Variants in TSPAN15 observed in about 807,000 individuals in gnomAD.
TSPAN15 encodes the protein tetraspanin-15.
TSPAN15 carries 20 observed loss-of-function variants against 34.5 expected under a neutral mutation model. That is an observed-to-expected ratio of 0.58 (90% CI 0.41 to 0.84). The LOEUF (loss-of-function observed/expected upper bound fraction) is 0.84, where lower values mean the gene tolerates loss of function less well. TSPAN15 is among the 40% of genes least tolerant of loss of function. The probability of loss-of-function intolerance (pLI) is 0.00; values close to 1 mark genes in which losing one functional copy is unlikely to be tolerated. For missense variants in TSPAN15, 313 were observed against 386.1 expected, an observed-to-expected ratio of 0.81 and a Z score of 1.59; for synonymous variants, 155 against 153.9, an observed-to-expected ratio of 1.01 and a Z score of -0.05.
At chr10:69,542,690 A>T in the TSPAN15 span, among the ~76,000 whole-genome samples, 2 of 152,164 alleles carry the variant, frequency 1.3e-5, no homozygotes, top group Non-Finnish European at 2.9e-5. Flanking sequence ...CCCCTCATAA[A>T]ACCATCAGAT....
At chr10:69,459,919 C>T (rs1473635223) in intron 1 of TSPAN15, among the ~76,000 whole-genome samples, 2 of 70,072 alleles carry the variant, frequency 2.9e-5, no homozygotes, top group African/African-American at 1.3e-4. Flanking sequence ...AGACTCTAGG[C>T]ACCCCCCCCC....
intron 6 of TSPAN15, 122 bp downstream of exon 6, chr10:69,504,607 TGACC>T: frequency 2.9e-6 from 3 of 1,035,130 alleles, no homozygotes; most frequent in Non-Finnish European, 3.0e-6. Flanking sequence ...TTCCTGGCTG[TGACC>T]CAGAGCCAGG....
intron 1 of TSPAN15, among the ~76,000 whole-genome samples, chr10:69,476,556 C>G (rs568918211): frequency 3.6e-4 from 44 of 123,120 alleles, no homozygotes; most frequent in African/African-American, 1.4e-3. Flanking sequence ...GACCCTGTCT[C>G]AAAGGGTCTC....
intron 1 of TSPAN15, among the ~76,000 whole-genome samples, chr10:69,480,198 G>A (rs947264612): frequency 4.6e-5 from 7 of 152,158 alleles, no homozygotes; most frequent in Non-Finnish European, 1.0e-4. Flanking sequence ...CAGCTCTGGT[G>A]TTTGGGGGAT....
the TSPAN15 span, among the ~76,000 whole-genome samples, chr10:69,524,588 T>C: frequency 2.1e-4 from 31 of 146,328 alleles, 2 homozygotes; most frequent in Non-Finnish European, 4.2e-4. Flanking sequence ...TATGCAGCAG[T>C]TAAGTAAGCA....
At position 69,471,551 on chromosome 10, in the gene TSPAN15, T is replaced by TTCTTTCTTTCTCTCTC. The variant is rs1554832144; in HGVS notation, c.97-12137_97-12136insTTCTTTCTCTCTCTCT. Among the ~76,000 whole-genome samples the TTCTTTCTTTCTCTCTC allele has an allele frequency of 7.6e-4, 115 of 151,194 alleles. 1 individual carries two copies. The highest frequency in any genetic ancestry group is 2.7e-3 in the African/African-American group (111 of 40,626). ...TATAAATCAATCTTTCTTTCTTTCT[T>TTCTTTCTTTCTCTCTC]TCTCTCTCACTCTCCCCTTCTCCCC... On this transcript the variant is annotated intron_variant, in intron 1 of 7. Transcript: ENST00000373290.
chr10:69,507,187 A>G lies in TSPAN15; in HGVS notation c.*209A>G, dbSNP rs2133171317. The G allele has an allele frequency of 1.4e-6, 2 of 1,419,540 alleles. No homozygotes were observed. The highest frequency in any genetic ancestry group is 2.6e-4 in the Middle Eastern group (1 of 3,828). The allele number at this position is 1,419,540 out of a possible 1,614,324, so 87.9% of individuals were successfully genotyped here. A position where few individuals can be genotyped will look rare whatever the true frequency, so the allele number is the denominator to read the frequency against. ...TCCCCTAAGAGGCTTTCCCCGAGGC[A>G]GCTCTGGAATCTGTGCCCACCTGGG... On this transcript the variant is annotated 3_prime_UTR_variant, in exon 8 of 8. Transcript: ENST00000373290.
At position 69,455,569 on chromosome 10, in the gene TSPAN15, T is replaced by C. The variant is rs1228262617; in HGVS notation, c.96+3879T>C. ...TTCTTCTCTCTCTCTCTTTCTTTCT[T>C]TCTCTTTTCTTTCTTTCTTTCTCTT... On this transcript the variant is annotated intron_variant, in intron 1 of 7. Transcript: ENST00000373290. 3.9e-3 allele frequency among the ~76,000 whole-genome samples: 459 copies of C among 118,024 alleles called. 4 individuals carry two copies. Among genetic ancestry groups the C allele is most frequent in the Non-Finnish European group, 5.3e-3 (300 of 56,274 alleles). The allele number at this position is 118,024 out of a possible 152,430, so 77.4% of individuals were successfully genotyped here.
chr10:69,540,863 G>A, the TSPAN15 span, among the ~76,000 whole-genome samples: 1 of 152,260 alleles, frequency 6.6e-6, no homozygotes, highest in Non-Finnish European at 1.5e-5. Flanking sequence ...GAGGTCAATG[G>A]GGATGTGTCC....
chr10:69,546,551 C>T, the TSPAN15 span, among the ~76,000 whole-genome samples: 10 of 152,286 alleles, frequency 6.6e-5, no homozygotes, highest in African/African-American at 2.2e-4. Flanking sequence ...TTCTGTCCTA[C>T]GCATCCAAGG....
At chr10:69,521,952 A>C in the TSPAN15 span, among the ~76,000 whole-genome samples, 1 of 147,726 alleles carries the variant, frequency 6.8e-6, no homozygotes, top group Non-Finnish European at 1.5e-5. Flanking sequence ...ACAACAGCCA[A>C]CCTAATGGGT....
chr10:69,520,301 G>A, the TSPAN15 span, among the ~76,000 whole-genome samples: 2 of 152,166 alleles, frequency 1.3e-5, no homozygotes, highest in Non-Finnish European at 2.9e-5. Flanking sequence ...ATTTCACTTA[G>A]CATAGTGATT....
intron 3 of TSPAN15, chr10:69,495,364 G>T: frequency 1.9e-6 from 1 of 519,276 alleles, no homozygotes. Context: ...ACTCCTGCTG[G>T]GACATAGCAC....
chr10:69,504,519 T>C (rs1468159218), intron 6 of TSPAN15, 34 bp downstream of exon 6: 19 of 1,611,950 alleles, frequency 1.2e-5, no homozygotes, highest in Non-Finnish European at 1.5e-5. Flanking sequence ...CCTGGAAATG[T>C]TGCTCTTCCT....
the TSPAN15 span, among the ~76,000 whole-genome samples, chr10:69,523,865 C>T: frequency 1.4e-4 from 21 of 147,702 alleles, 2 homozygotes; most frequent in Non-Finnish European, 2.7e-4. Context: ...TTCCTCTTTG[C>T]CAGGATTGGA....
At chr10:69,511,856 C>T (rs1306443207), downstream of TSPAN15, among the ~76,000 whole-genome samples, 1 of 151,390 alleles carries the variant, frequency 6.6e-6, no homozygotes, top group Non-Finnish European at 1.5e-5. Flanking sequence ...AACCAAACAC[C>T]GCATGTTCTC....
At chr10:69,535,561 A>C in the TSPAN15 span, among the ~76,000 whole-genome samples, 1 of 152,234 alleles carries the variant, frequency 6.6e-6, no homozygotes, top group Non-Finnish European at 1.5e-5. Flanking sequence ...CCATGGAGTA[A>C]CCAAATAATA....
the TSPAN15 span, among the ~76,000 whole-genome samples, chr10:69,546,264 C>T: frequency 3.3e-5 from 5 of 152,186 alleles, no homozygotes; most frequent in East Asian, 1.9e-4. Context: ...AGAGAGCCTG[C>T]GTAGTCTCTA....
chr10:69,503,216 C>T (rs1446335689), intron 5 of TSPAN15, among the ~76,000 whole-genome samples: 1 of 152,096 alleles, frequency 6.6e-6, no homozygotes, highest in Non-Finnish European at 1.5e-5. Context: ...CGAGGGAGGT[C>T]GTCTTGCCTG....
Sources: allele counts gnomAD v4.1 joint callset (sites outside exome capture counted in the v4.1 genomes callset), GRCh38; gene constraint gnomAD v4.1.1; transcripts MANE v1.5; gene names NCBI Gene and HGNC (gene_info 2026-07-23, HGNC 2026-07-21).